WSCD2: variants seen among roughly 807,000 people sequenced by gnomAD.
WSCD2 encodes the protein sialate:O-sulfotransferase 2.
In WSCD2, 28 loss-of-function variants were observed where a neutral mutation model predicts 55.7. The ratio of observed to expected loss-of-function variants is 0.50; its 90% CI spans 0.37 to 0.69. WSCD2 has a LOEUF of 0.69. Among genes scored for constraint, WSCD2 ranks in the 30% least tolerant of loss-of-function variants. The pLI is 0.00. For synonymous variants in WSCD2, 301 were observed against 301.9 expected (o/e 1.00, Z 0.03); for missense variants, 616 against 762.1 (o/e 0.81, Z 2.26).
At chr12:108,147,573 C>T (rs1877532060) in intron 1 of WSCD2, among the ~76,000 whole-genome samples, 1 of 152,164 alleles carries the variant, frequency 6.6e-6, no homozygotes. Context: ...CTTCTAGACA[C>T]TCAGGTCAGA....
chr12:108,159,064 G>C (rs1878804327), intron 1 of WSCD2, among the ~76,000 whole-genome samples: 1 of 152,164 alleles, frequency 6.6e-6, no homozygotes, highest in Non-Finnish European at 1.5e-5. Context: ...TAAAATCAAA[G>C]CTCCCTGTGC....
At chr12:108,189,806 T>C (rs2137027604) in intron 1 of WSCD2, 1 of 152,248 alleles carries the variant, frequency 6.6e-6, no homozygotes, top group East Asian at 1.9e-4. Context: ...TATACATGCA[T>C]CAGGAGGGAG....
intron 1 of WSCD2, among the ~76,000 whole-genome samples, chr12:108,160,403 G>A (rs1878942094): frequency 6.6e-6 from 1 of 152,200 alleles, no homozygotes; most frequent in Admixed American, 6.5e-5. Flanking sequence ...TAAGCAGGCT[G>A]TAGAGGAATC....
intron 4 of WSCD2, among the ~76,000 whole-genome samples, chr12:108,212,590 T>TTCTCTCTC (rs111941873): frequency 8.4e-6 from 1 of 118,430 alleles, no homozygotes; most frequent in African/African-American, 3.2e-5. Context: ...CCACCCCCAT[T>TTCTCTCTC]TCTCTCTCTC....
At chr12:108,162,976 C>T (rs137898479) in intron 1 of WSCD2, among the ~76,000 whole-genome samples, 1 of 152,290 alleles carries the variant, frequency 6.6e-6, no homozygotes, top group Non-Finnish European at 1.5e-5. Context: ...TCACAAAAAC[C>T]TGGAGGAAGT....
At chr12:108,169,105 C>A (rs1415949952) in intron 1 of WSCD2, among the ~76,000 whole-genome samples, 1 of 152,190 alleles carries the variant, frequency 6.6e-6, no homozygotes, top group Admixed American at 6.5e-5. Context: ...AGGTTGCACA[C>A]GCCTTATGAG....
intron 1 of WSCD2, among the ~76,000 whole-genome samples, chr12:108,180,056 AAAAAAAAAAAAG>A (rs1222262184): frequency 6.6e-6 from 1 of 151,360 alleles, no homozygotes; most frequent in East Asian, 1.9e-4. Context: ...AAAACAAAAA[AAAAAAAAAAAAG>A]AAAAAGAAAA....
intron 1 of WSCD2, among the ~76,000 whole-genome samples, chr12:108,136,706 C>T (rs550856076): frequency 6.6e-6 from 1 of 151,846 alleles, no homozygotes; most frequent in South Asian, 2.1e-4. Context: ...GAGCCCACGT[C>T]TCTCTGACCT....
chr12:108,146,186 G>T (rs1592882278), intron 1 of WSCD2, among the ~76,000 whole-genome samples: 1 of 152,204 alleles, frequency 6.6e-6, no homozygotes, highest in African/African-American at 2.4e-5. Context: ...CTGTATTGTG[G>T]TAATGAAAAA....
intron 1 of WSCD2, among the ~76,000 whole-genome samples, chr12:108,184,865 T>C (rs1415334795): frequency 6.6e-6 from 1 of 152,218 alleles, no homozygotes; most frequent in Admixed American, 6.5e-5. Context: ...AAAGGAAGGC[T>C]GTTTCGCTAG....
chr12:108,179,605 G>A (rs887777929), intron 1 of WSCD2, among the ~76,000 whole-genome samples: 22 of 152,198 alleles, frequency 1.4e-4, no homozygotes, highest in Admixed American at 1.1e-3. Context: ...TGATCCAGAC[G>A]ATCATCCAGG....
intron 1 of WSCD2, among the ~76,000 whole-genome samples, chr12:108,185,641 G>A (rs1234943311): frequency 6.6e-6 from 1 of 152,166 alleles, no homozygotes; most frequent in African/African-American, 2.4e-5. Context: ...TCTCCTTACT[G>A]TATGTGAGTC....
intron 3 of WSCD2, among the ~76,000 whole-genome samples, chr12:108,208,840 G>A (rs1330175498): frequency 6.6e-6 from 1 of 152,216 alleles, no homozygotes; most frequent in African/African-American, 2.4e-5. Context: ...GCATTGTCCA[G>A]GGATAGGTGG....
intron 1 of WSCD2, among the ~76,000 whole-genome samples, chr12:108,164,740 C>A (rs940308574): frequency 6.6e-6 from 1 of 151,846 alleles, no homozygotes; most frequent in African/African-American, 2.4e-5. Flanking sequence ...CTTCCTTGCC[C>A]GCAACAGCTT....
chr12:108,187,371 G>A (rs943051470), intron 1 of WSCD2, among the ~76,000 whole-genome samples: 1 of 152,214 alleles, frequency 6.6e-6, no homozygotes, highest in African/African-American at 2.4e-5. Flanking sequence ...GTCATGAGAA[G>A]AGGTAAATGT....
At chr12:108,154,033 T>C (rs2136921403) in intron 1 of WSCD2, among the ~76,000 whole-genome samples, 1 of 152,288 alleles carries the variant, frequency 6.6e-6, no homozygotes, top group South Asian at 2.1e-4. Flanking sequence ...AAGCATTAAG[T>C]TGAAGGTATT....
intron 1 of WSCD2, among the ~76,000 whole-genome samples, chr12:108,141,542 C>T (rs929121038): frequency 2.0e-5 from 3 of 152,178 alleles, no homozygotes; most frequent in African/African-American, 7.2e-5. Flanking sequence ...GCCCATATTC[C>T]TTGGTTCATA....
intron 1 of WSCD2, among the ~76,000 whole-genome samples, chr12:108,194,954 A>G (rs1883713899): frequency 2.0e-5 from 3 of 152,208 alleles, no homozygotes; most frequent in Admixed American, 2.0e-4. Flanking sequence ...TTGGATCAGT[A>G]TATATTTGAC....
At chr12:108,245,630 C>T (rs1479014739) in intron 8 of WSCD2, among the ~76,000 whole-genome samples, 3 of 152,168 alleles carry the variant, frequency 2.0e-5, no homozygotes, top group Non-Finnish European at 4.4e-5. Flanking sequence ...TGCTGGGTGA[C>T]AAGCACCGTC....
Sources: gnomAD v4.1 joint callset for allele counts (sites outside exome capture counted in the v4.1 genomes callset) on GRCh38, gnomAD v4.1.1 for gene constraint, MANE v1.5 for transcripts, NCBI Gene and HGNC (gene_info 2026-07-23, HGNC 2026-07-21) for gene names.